The following ZSWIM5 variants were observed in gnomAD, a reference collection of about 807,000 sequenced individuals.
ZSWIM5 encodes the protein zinc finger SWIM-type containing 5, also known as zinc finger SWIM domain-containing protein 5.
A neutral mutation model predicts 119.6 loss-of-function variants in ZSWIM5; 55 were observed. The observed-to-expected ratio is 0.46, with a 90% CI of 0.37 to 0.58. The LOEUF (loss-of-function observed/expected upper bound fraction) is 0.58. Among genes scored for constraint, ZSWIM5 ranks in the 20% least tolerant of loss-of-function variants. The pLI is 0.00. For missense variants in ZSWIM5, 1,193 were observed against 1,512.8 expected (o/e 0.79, Z 3.51); for synonymous variants, 537 against 606.9 (o/e 0.88, Z 1.69).
chr1:45,176,025 T>C (rs1419846000), intron 1 of ZSWIM5, among the ~76,000 whole-genome samples: 1 of 151,790 alleles, frequency 6.6e-6, no homozygotes, highest in Non-Finnish European at 1.5e-5. Flanking sequence ...AAGGAGGCTT[T>C]GTTCCTTTTA....
At chr1:45,066,418 A>AT (rs1645184421) in intron 2 of ZSWIM5, among the ~76,000 whole-genome samples, 1 of 152,130 alleles carries the variant, frequency 6.6e-6, no homozygotes, top group Non-Finnish European at 1.5e-5. Context: ...ACATGTACAC[A>AT]TTTTTGTGTG....
At chr1:45,034,493 C>CAGCCACCATCCAGACCCTGGGCTTCCG in intron 10 of ZSWIM5, 24 bp from the exon 11 acceptor site, 1 of 1,583,906 alleles carries the variant, frequency 6.3e-7, no homozygotes, top group East Asian at 2.2e-5. Context: ...GAAGAATCAT[C>CAGCCACCATCCAGACCCTGGGCTTCCG]AGCCACCATC....
intron 1 of ZSWIM5, among the ~76,000 whole-genome samples, chr1:45,197,249 C>A (rs1421128529): frequency 6.6e-6 from 1 of 152,204 alleles, no homozygotes; most frequent in African/African-American, 2.4e-5. Flanking sequence ...TCAAGCTGTT[C>A]TGTGGAATAG....
chr1:45,139,309 T>G (rs1199277760), intron 1 of ZSWIM5, among the ~76,000 whole-genome samples: 1 of 151,616 alleles, frequency 6.6e-6, no homozygotes. Context: ...GCCTCCTTAC[T>G]AGCTGGGACT....
chr1:45,162,984 C>G (rs566108356), intron 1 of ZSWIM5, among the ~76,000 whole-genome samples: 59 of 152,326 alleles, frequency 3.9e-4, no homozygotes, highest in Non-Finnish European at 5.7e-4. Flanking sequence ...GTTCTCCCAG[C>G]ATGGAGTTTG....
chr1:45,116,102 A>G lies in ZSWIM5; in HGVS notation c.596-27865T>C, dbSNP rs1055286067. ...GGCATCAGAGGGAGACCATGGAGAG[A>G]GGGACAGCGAGACAGAGAGGGAGGG... On this transcript the variant is annotated intron_variant, in intron 1 of 13. Transcript: ENST00000359600. Among the ~76,000 whole-genome samples the G allele has an allele frequency of 7.4e-4, 111 of 148,998 alleles. 1 individual carries two copies. Among genetic ancestry groups the G allele is most frequent in the Non-Finnish European group, 1.2e-3 (81 of 67,602 alleles).
At chr1:45,039,990 C>A (rs1001393098) in intron 7 of ZSWIM5, among the ~76,000 whole-genome samples, 1 of 152,018 alleles carries the variant, frequency 6.6e-6, no homozygotes, top group African/African-American at 2.4e-5. Flanking sequence ...CAGGCGTAAG[C>A]CACCATGCCT....
At chr1:45,118,956 T>C (rs1645575716) in intron 1 of ZSWIM5, among the ~76,000 whole-genome samples, 1 of 152,036 alleles carries the variant, frequency 6.6e-6, no homozygotes, top group African/African-American at 2.4e-5. Flanking sequence ...CTTCTTCCTA[T>C]GTTAGTACAA....
chr1:45,080,826 A>C (rs1645285493), intron 2 of ZSWIM5, among the ~76,000 whole-genome samples: 1 of 152,194 alleles, frequency 6.6e-6, no homozygotes. Flanking sequence ...AGCAAATCAC[A>C]AATAGGGCAT....
intron 1 of ZSWIM5, among the ~76,000 whole-genome samples, chr1:45,157,139 G>A (rs1645831412): frequency 6.6e-6 from 1 of 151,784 alleles, no homozygotes; most frequent in Non-Finnish European, 1.5e-5. Context: ...TATACAATAT[G>A]TACTTTTCAG....
chr1:45,111,067 T>C lies in ZSWIM5; in HGVS notation c.596-22830A>G, dbSNP rs1645514356. On this transcript the variant is annotated intron_variant, in intron 1 of 13. Coordinates refer to ENST00000359600, the MANE Select transcript of ZSWIM5 (RefSeq NM_020883.2). ...GAGACAGACAAGTAAACATTTATAATTGAGGAAGTAAATGTTATAGCAAAA... is the reference window on the plus strand; with the variant it reads ...GAGACAGACAAGTAAACATTTATAACTGAGGAAGTAAATGTTATAGCAAAA... 3.9e-5 allele frequency among the ~76,000 whole-genome samples: 6 copies of C among 152,230 alleles called. No homozygotes were observed. In the South Asian group the frequency reaches 1.2e-3, roughly 32 times the overall value.
At chr1:45,060,576 C>T (rs928037562) in intron 2 of ZSWIM5, among the ~76,000 whole-genome samples, 2 of 152,050 alleles carry the variant, frequency 1.3e-5, no homozygotes, top group Non-Finnish European at 2.9e-5. Flanking sequence ...AGGAGAGTGA[C>T]ATTTTGTTTC....
chr1:45,051,258 A>T lies in ZSWIM5; in HGVS notation c.1253-5T>A, dbSNP rs780350779. 6.2e-7 allele frequency: 1 copy of T among 1,611,926 alleles called. No homozygotes were observed. The highest frequency in any genetic ancestry group is 8.5e-7 in the Non-Finnish European group (1 of 1,179,200). On this transcript the variant is annotated splice_polypyrimidine_tract_variant and splice_region_variant and intron_variant, in intron 4 of 13. Coordinates refer to ENST00000359600, the MANE Select transcript of ZSWIM5 (RefSeq NM_020883.2). Reference sequence around the variant, plus strand: ...TTATGCACACCCATAAAGCCCCTGGAAAATAAAGCAACCCATATTCTTAAC... The same window carrying T: ...TTATGCACACCCATAAAGCCCCTGGTAAATAAAGCAACCCATATTCTTAAC...
Position 45,138,521 on chromosome 1 carries a change from AAAAG to A in ZSWIM5, c.596-50288_596-50285del, listed in dbSNP as rs1231058751. On this transcript the variant is annotated intron_variant, in intron 1 of 13. Transcript: ENST00000359600. Reference sequence around the variant, plus strand: ...ACTCCATCTCAAAAAAAAAAAAAAAAAAAGAAAGGAAGAAAAACAAAATAGAGTA... The same window carrying A: ...ACTCCATCTCAAAAAAAAAAAAAAAAAAAGGAAGAAAAACAAAATAGAGTA... Among the ~76,000 whole-genome samples, 530 of 151,762 alleles carry A rather than the reference AAAAG, an allele frequency of 3.5e-3. 13 individuals are homozygous for A. In the East Asian group the frequency reaches 0.069, roughly 20 times the overall value.
chr1:45,048,214 A>AT (rs1339960408), intron 5 of ZSWIM5, among the ~76,000 whole-genome samples: 25 of 146,050 alleles, frequency 1.7e-4, no homozygotes. Flanking sequence ...TAATTTTTGT[A>AT]TTTTTTGTAG....
chr1:45,082,153 C>A (rs989031908), intron 2 of ZSWIM5, among the ~76,000 whole-genome samples: 8 of 149,236 alleles, frequency 5.4e-5, no homozygotes, highest in Non-Finnish European at 7.4e-5. Context: ...AGTCATCACA[C>A]TCCCTAATCT....
intron 1 of ZSWIM5, among the ~76,000 whole-genome samples, chr1:45,180,108 C>A (rs369627730): frequency 6.6e-6 from 1 of 152,108 alleles, no homozygotes; most frequent in African/African-American, 2.4e-5. Flanking sequence ...GCGCACTGTG[C>A]GCCAGCCGAA....
chr1:45,172,098 T>C (rs1433773613), intron 1 of ZSWIM5, among the ~76,000 whole-genome samples: 2 of 151,996 alleles, frequency 1.3e-5, no homozygotes, highest in Admixed American at 6.6e-5. Flanking sequence ...ATTGTAAGAA[T>C]GCTCAGAGGT....
At chr1:45,034,131 C>T (rs1271913382) in intron 11 of ZSWIM5, among the ~76,000 whole-genome samples, 181 bp downstream of exon 11, 4 of 152,180 alleles carry the variant, frequency 2.6e-5, no homozygotes, top group East Asian at 1.9e-4. Context: ...GGATTACAGG[C>T]GTAAGCCACC....
Sources: gnomAD v4.1 joint callset for allele counts (sites outside exome capture counted in the v4.1 genomes callset) on GRCh38, gnomAD v4.1.1 for gene constraint, MANE v1.5 for transcripts, NCBI Gene and HGNC (gene_info 2026-07-23, HGNC 2026-07-21) for gene names.